FBN2: variants seen among roughly 807,000 people sequenced by gnomAD.
The protein encoded by FBN2 is fibrillin-2.
Under a neutral mutation model 355.6 loss-of-function variants are expected in FBN2, and 105 were observed. The observed-to-expected ratio is 0.30, with a 90% CI of 0.25 to 0.35. FBN2 has a LOEUF of 0.35. Ranked by LOEUF, FBN2 falls within the 10% of genes least tolerant of loss-of-function variation. The pLI is 1.00. For missense variants in FBN2, 3,280 were observed against 3,758.7 expected (o/e 0.87, Z 3.33); for synonymous variants, 1,350 against 1,301.2 (o/e 1.04, Z -0.81).
intron 5 of FBN2, among the ~76,000 whole-genome samples, chr5:128,513,153 A>G (rs931185338): frequency 6.6e-6 from 1 of 152,178 alleles, no homozygotes; most frequent in African/African-American, 2.4e-5. Context: ...AATCTTTCCA[A>G]CGAATCTGTG....
chr5:128,357,204 C>A, intron 20 of FBN2, 72 bp downstream of exon 20: 1 of 1,581,840 alleles, frequency 6.3e-7, no homozygotes, highest in Non-Finnish European at 8.7e-7. Context: ...TGTTTTTATC[C>A]GTAGTAAGGC....
intron 7 of FBN2, among the ~76,000 whole-genome samples, chr5:128,441,108 T>G (rs1294303741): frequency 1.3e-5 from 2 of 152,082 alleles, no homozygotes; most frequent in East Asian, 3.8e-4. Flanking sequence ...GTCAAGGCTC[T>G]GTATTTTTTT....
At chr5:128,364,911 G>A (rs1236812994) in intron 17 of FBN2, among the ~76,000 whole-genome samples, 186 bp from the exon 18 acceptor site, 3 of 152,106 alleles carry the variant, frequency 2.0e-5, no homozygotes, top group Non-Finnish European at 4.4e-5. Flanking sequence ...AAAGATATAG[G>A]ACACTTCACT....
At chr5:128,488,407 C>T (rs909206052) in intron 5 of FBN2, among the ~76,000 whole-genome samples, 7 of 152,034 alleles carry the variant, frequency 4.6e-5, no homozygotes, top group African/African-American at 1.7e-4. Context: ...CTGGAGGTCT[C>T]AGCTTAATAA....
intron 34 of FBN2, among the ~76,000 whole-genome samples, chr5:128,320,371 C>T (rs769717359): frequency 4.0e-4 from 61 of 152,164 alleles, no homozygotes; most frequent in Admixed American, 1.0e-3. Flanking sequence ...AACACCATCA[C>T]ACCTAGCTAA....
In FBN2 at chr5:128,309,588, T is replaced by TTAGA. The variant is rs763120132; in HGVS notation, c.5201-190_5201-189insTCTA. Among the ~76,000 whole-genome samples, 14 of 152,274 alleles carry TTAGA rather than the reference T, an allele frequency of 9.2e-5. 1 individual carries two copies. Among genetic ancestry groups the TTAGA allele is most frequent in the South Asian group, 4.1e-4 (2 of 4,828 alleles). The stretch of plus-strand genomic sequence containing the variant: ...TTAGATTAACATCTCTCCTTTATCC[T>TTAGA]TAAAGGTTTTCACTTATAATTTTCT... On this transcript the variant is annotated intron_variant, in intron 40 of 64. Transcript: ENST00000262464.
At chr5:128,294,348 T>C in intron 48 of FBN2, among the ~76,000 whole-genome samples, 1 of 151,620 alleles carries the variant, frequency 6.6e-6, no homozygotes, top group Admixed American at 6.6e-5. Flanking sequence ...TTTGGGTATA[T>C]ACCCAGTAAT....
chr5:128,269,276 A>T (rs1366058950), intron 62 of FBN2, among the ~76,000 whole-genome samples: 5 of 143,518 alleles, frequency 3.5e-5, no homozygotes, highest in Non-Finnish European at 6.0e-5. Flanking sequence ...TAATAATAAT[A>T]ATAATAGTAA....
intron 11 of FBN2, among the ~76,000 whole-genome samples, chr5:128,388,918 T>A (rs1266797858): frequency 6.6e-6 from 1 of 152,196 alleles, no homozygotes; most frequent in Non-Finnish European, 1.5e-5. Context: ...GTGGGCAATA[T>A]CTTCAAATAT....
intron 5 of FBN2, among the ~76,000 whole-genome samples, chr5:128,494,802 T>A (rs1254739213): frequency 6.6e-6 from 1 of 152,128 alleles, no homozygotes; most frequent in Non-Finnish European, 1.5e-5. Context: ...TAAACAATAG[T>A]ATCAAGACCC....
chr5:128,362,849 G>A (rs1751674211), intron 18 of FBN2, among the ~76,000 whole-genome samples: 1 of 152,020 alleles, frequency 6.6e-6, no homozygotes, highest in Non-Finnish European at 1.5e-5. Context: ...AGAGTGAAGA[G>A]CTCTTTCACT....
In FBN2 at chr5:128,453,669, T is replaced by A. The variant is rs191286756; in HGVS notation, c.827-7063A>T. Among the ~76,000 whole-genome samples, 6 of 152,318 alleles carry A rather than the reference T, an allele frequency of 3.9e-5. No individual in the cohort carries two copies. The East Asian group carries it at 1.2e-3, about 29-fold the overall frequency. The stretch of plus-strand genomic sequence containing the variant: ...GTTTTCTTTTTTTTCAGTTTTTATA[T>A]GCAGGCCTTTCTCTTTATTATTCAT... On this transcript the variant is annotated intron_variant, in intron 6 of 64. Coordinates refer to ENST00000262464, the MANE Select transcript of FBN2 (RefSeq NM_001999.4).
chr5:128,273,944 G>A lies in FBN2; in HGVS notation c.7736C>T (p.Pro2579Leu), dbSNP rs748706504. The change falls in exon 61 of 65, where the codon CCT (proline) becomes CTT (leucine). Residue 2579 changes from proline to leucine, a missense_variant. Around this residue, in one of 6 missense-constraint regions of FBN2, gnomAD observed 2,284 missense variants for 2,749.5 expected, o/e 0.83. Coordinates refer to ENST00000262464, the MANE Select transcript of FBN2 (RefSeq NM_001999.4). ...CIDNNECGSQ[P>L]SLCGAKGICQ... ...GATTCCCTTTGCTCCACAAAGCGAA[G>A]GTTGAGACCCACATTCGTTGTTGTC... 3.7e-6 allele frequency: 6 copies of A among 1,613,902 alleles called. No individual in the cohort carries two copies. The South Asian group carries it at 6.6e-5, about 18-fold the overall frequency.
At chr5:128,267,224 A>G (rs1765139630) in intron 62 of FBN2, among the ~76,000 whole-genome samples, 1 of 152,050 alleles carries the variant, frequency 6.6e-6, no homozygotes, top group South Asian at 2.1e-4. Context: ...CCAGTCTATC[A>G]TGGGCATTTG....
chr5:128,304,094 A>T (rs905107136), intron 45 of FBN2, among the ~76,000 whole-genome samples: 1 of 152,180 alleles, frequency 6.6e-6, no homozygotes, highest in African/African-American at 2.4e-5. Flanking sequence ...TGCAGTACTG[A>T]AATCTGATTT....
At chr5:128,379,415 A>G (rs182209850) in intron 11 of FBN2, among the ~76,000 whole-genome samples, 6 of 152,234 alleles carry the variant, frequency 3.9e-5, no homozygotes, top group Admixed American at 2.0e-4. Context: ...TATACACTAA[A>G]GCTTGGATAA....
At chr5:128,461,262 T>C (rs1754546790) in intron 6 of FBN2, among the ~76,000 whole-genome samples, 2 of 152,156 alleles carry the variant, frequency 1.3e-5, no homozygotes, top group Admixed American at 6.5e-5. Context: ...AAGCTCATCA[T>C]CACTGATCAT....
At chr5:128,523,450 T>C (rs1756487549) in intron 4 of FBN2, among the ~76,000 whole-genome samples, 1 of 152,152 alleles carries the variant, frequency 6.6e-6, no homozygotes, top group South Asian at 2.1e-4. Flanking sequence ...TTCAACTCTC[T>C]TCTTTAGCTA....
chr5:128,455,981 G>A (rs1186814237), intron 6 of FBN2, among the ~76,000 whole-genome samples: 4 of 67,690 alleles, frequency 5.9e-5, no homozygotes, highest in African/African-American at 9.5e-5. Flanking sequence ...CTTGGGGGAG[G>A]GTTAGCAACA....
Sources: allele counts gnomAD v4.1 joint callset (sites outside exome capture counted in the v4.1 genomes callset), GRCh38; gene constraint gnomAD v4.1.1; regional missense constraint gnomAD v4.1.1; transcripts MANE v1.5; gene names NCBI Gene and HGNC (gene_info 2026-07-23, HGNC 2026-07-21).